The following USP33 variants were observed in gnomAD, a reference collection of about 807,000 sequenced individuals.
The protein encoded by USP33 is ubiquitin carboxyl-terminal hydrolase 33.
A neutral mutation model predicts 124.2 loss-of-function variants in USP33; 46 were observed. The observed-to-expected ratio is 0.37, with a 90% CI of 0.29 to 0.47. The LOEUF is 0.47. Among genes scored for constraint, USP33 ranks in the 20% least tolerant of loss-of-function variants. The probability of loss-of-function intolerance (pLI) is 0.99; values close to 1 mark genes in which losing one functional copy is unlikely to be tolerated. For missense variants in USP33, 851 were observed against 1,070.6 expected, an observed-to-expected ratio of 0.79 and a Z score of 2.86; for synonymous variants, 350 against 352.3, an observed-to-expected ratio of 0.99 and a Z score of 0.07.
intron 23 of USP33, 93 bp downstream of exon 23, chr1:77,697,770 G>A: frequency 8.0e-7 from 1 of 1,256,680 alleles, no homozygotes; most frequent in Non-Finnish European, 1.1e-6. Context: ...TTCTTCAGTT[G>A]AATAAAAAAG....
chr1:77,713,148 A>T, intron 20 of USP33, 52 bp downstream of exon 20: 2 of 1,449,548 alleles, frequency 1.4e-6, no homozygotes, highest in East Asian at 4.8e-5. Context: ...ACCCCTTTTA[A>T]CCAGTTTAAC....
intron 5 of USP33, among the ~76,000 whole-genome samples, chr1:77,737,569 G>T (rs1678621257): frequency 6.6e-6 from 1 of 152,174 alleles, no homozygotes; most frequent in Admixed American, 6.5e-5. Flanking sequence ...GACCACTAAA[G>T]AAATCTATCT....
At chr1:77,748,630 C>T (rs1185441506) in intron 1 of USP33, among the ~76,000 whole-genome samples, 1 of 150,560 alleles carries the variant, frequency 6.6e-6, no homozygotes, top group Non-Finnish European at 1.5e-5. Flanking sequence ...GATTGCGTCA[C>T]TGCACTCCAT....
intron 21 of USP33, among the ~76,000 whole-genome samples, chr1:77,708,706 T>TA (rs993578214): frequency 1.3e-5 from 2 of 152,208 alleles, no homozygotes; most frequent in Non-Finnish European, 2.9e-5. Context: ...TTCCTCCAAA[T>TA]AGTTTGTTGT....
intron 12 of USP33, among the ~76,000 whole-genome samples, chr1:77,722,768 A>G (rs766522370): frequency 6.6e-6 from 1 of 152,226 alleles, no homozygotes; most frequent in Non-Finnish European, 1.5e-5. Context: ...TTTCATATTC[A>G]TCATTGCACT....
At chr1:77,701,319 C>CA (rs750817157) in intron 22 of USP33, 50 bp downstream of exon 22, 6 of 1,359,110 alleles carry the variant, frequency 4.4e-6, no homozygotes, top group South Asian at 3.7e-5. Context: ...ACTTGTCAAA[C>CA]AAAAAAACAA....
intron 18 of USP33, among the ~76,000 whole-genome samples, chr1:77,715,186 T>C (rs1056530423): frequency 1.3e-5 from 2 of 152,184 alleles, no homozygotes; most frequent in Admixed American, 6.6e-5. Context: ...CAATGCCTAA[T>C]TTTTAAATTA....
chr1:77,750,676 GAAA>G (rs1557872893), intron 1 of USP33, among the ~76,000 whole-genome samples: 9 of 147,358 alleles, frequency 6.1e-5, no homozygotes, highest in Admixed American at 2.0e-4. Flanking sequence ...AAGAAAGAAA[GAAA>G]GAAAGAAAAA....
intron 21 of USP33, among the ~76,000 whole-genome samples, chr1:77,704,871 C>A (rs1261167645): frequency 6.6e-6 from 1 of 152,104 alleles, no homozygotes; most frequent in Non-Finnish European, 1.5e-5. Context: ...ACTGCTCTAC[C>A]CAGGCAGATA....
chr1:77,698,047 G>T, intron 22 of USP33, 116 bp from the exon 23 acceptor site: 1 of 739,978 alleles, frequency 1.4e-6, no homozygotes, highest in Admixed American at 2.8e-5. Flanking sequence ...TTATTTCTCA[G>T]GCAAATTATT....
intron 1 of USP33, among the ~76,000 whole-genome samples, chr1:77,743,699 T>C (rs1425698245): frequency 6.6e-6 from 1 of 152,164 alleles, no homozygotes; most frequent in Admixed American, 6.5e-5. Flanking sequence ...CTCAAAGCCT[T>C]TAAGGGTTGT....
intron 1 of USP33, among the ~76,000 whole-genome samples, chr1:77,754,852 AAAG>A (rs1680656901): frequency 6.6e-6 from 1 of 152,224 alleles, no homozygotes; most frequent in Non-Finnish European, 1.5e-5. Context: ...TAATAATACC[AAAG>A]TATAGCTCCA....
At position 77,730,651 on chromosome 1, in the gene USP33, A is replaced by C. The variant is rs139555219; in HGVS notation, c.605T>G (p.Leu202Arg). The C allele has an allele frequency of 1.4e-5, 23 of 1,597,080 alleles. No individual in the cohort carries two copies. The highest frequency in any genetic ancestry group is 2.0e-5 in the Non-Finnish European group (23 of 1,170,058). ...ATGCCACAGCTCTGTCATTAGTTTG[A>C]GATAACTTTTACAAATGGCAGGTTT... ...DKKPAICKSY[L>R]KLMTELWHKS... Residue 202 changes from leucine to arginine, a missense_variant, in exon 8 of 24, where the codon CTC (leucine) becomes CGC (arginine). This residue lies in a region of USP33 where 221 missense variants were observed against 302.9 expected (regional missense o/e 0.73). Coordinates refer to ENST00000370794, the MANE Select transcript of USP33 (RefSeq NM_201624.3).
chr1:77,737,165 G>A (rs911642071), intron 5 of USP33, among the ~76,000 whole-genome samples: 2 of 152,042 alleles, frequency 1.3e-5, no homozygotes, highest in African/African-American at 4.8e-5. Flanking sequence ...CCAACATTCA[G>A]CAACACCCAA....
In USP33 at chr1:77,751,023, G is replaced by GA. The variant is rs531261570; in HGVS notation, c.-52+8619dup. Among the ~76,000 whole-genome samples the GA allele has an allele frequency of 2.0e-3, 307 of 152,144 alleles. 1 individual carries two copies. Among genetic ancestry groups the GA allele is most frequent in the Admixed American group, 3.4e-3 (52 of 15,292 alleles). On this transcript the variant is annotated intron_variant, in intron 1 of 23. Coordinates refer to ENST00000370794, the MANE Select transcript of USP33 (RefSeq NM_201624.3). ...CACAGGAGATGAGTATTAGACATTAGAAAAAAACAGAAAATGGTTGTATAT... is the reference window on the plus strand; with the variant it reads ...CACAGGAGATGAGTATTAGACATTAGAAAAAAAACAGAAAATGGTTGTATAT...
intron 15 of USP33, chr1:77,720,564 C>G: frequency 1.0e-6 from 1 of 985,426 alleles, no homozygotes; most frequent in Non-Finnish European, 1.2e-6. Context: ...TATCCCAGAT[C>G]TTATTAGCAA....
chr1:77,737,069 C>G (rs936696978), intron 5 of USP33, among the ~76,000 whole-genome samples: 1 of 151,420 alleles, frequency 6.6e-6, no homozygotes, highest in African/African-American at 2.4e-5. Context: ...AAACTTTGAG[C>G]TAAAGTTTAA....
intron 23 of USP33, 186 bp downstream of exon 23, chr1:77,697,677 T>C (rs1570710391): frequency 2.2e-6 from 2 of 895,094 alleles, no homozygotes; most frequent in East Asian, 2.7e-5. Context: ...GCTTTGCTCT[T>C]AACAACAGCC....
intron 15 of USP33, among the ~76,000 whole-genome samples, chr1:77,719,079 G>A (rs745924473): frequency 6.6e-6 from 1 of 152,108 alleles, no homozygotes; most frequent in Non-Finnish European, 1.5e-5. Flanking sequence ...AATTTAAACT[G>A]GCCAGGCGCA....
Sources: gnomAD v4.1 joint callset for allele counts (sites outside exome capture counted in the v4.1 genomes callset) on GRCh38, gnomAD v4.1.1 for gene constraint, gnomAD v4.1.1 regional missense constraint, MANE v1.5 for transcripts, NCBI Gene and HGNC (gene_info 2026-07-23, HGNC 2026-07-21) for gene names.